Variants in FGF12 observed in about 807,000 individuals in gnomAD.
The protein encoded by FGF12 is fibroblast growth factor 12.
In FGF12, 14 loss-of-function variants were observed where a neutral mutation model predicts 23.6. The observed-to-expected ratio is 0.59, with a 90% CI of 0.39 to 0.93. The LOEUF (loss-of-function observed/expected upper bound fraction) is 0.93, where lower values mean the gene tolerates loss of function less well. Ranked by LOEUF, FGF12 falls within the 40% of genes least tolerant of loss-of-function variation. The pLI is 0.00. For synonymous variants in FGF12, 62 were observed against 77.3 expected (o/e 0.80, Z 1.04); for missense variants, 175 against 217.8 (o/e 0.80, Z 1.24).
At chr3:192,686,277 A>G (rs879699816) in intron 2 of FGF12, among the ~76,000 whole-genome samples, 4 of 152,190 alleles carry the variant, frequency 2.6e-5, no homozygotes, top group Admixed American at 2.0e-4. Flanking sequence ...CTTGCTCTGA[A>G]CAAAGAAGAG....
chr3:192,397,376 T>C (rs1272942877), intron 2 of FGF12, among the ~76,000 whole-genome samples: 1 of 152,242 alleles, frequency 6.6e-6, no homozygotes, highest in Non-Finnish European at 1.5e-5. Flanking sequence ...AGAAATATCC[T>C]ATAAGAAGAC....
At chr3:192,274,580 A>C (rs1027778902) in intron 4 of FGF12, among the ~76,000 whole-genome samples, 1 of 140,874 alleles carries the variant, frequency 7.1e-6, no homozygotes, top group African/African-American at 2.6e-5. Flanking sequence ...GAGAGAGGAG[A>C]GAGAAGAGGG....
chr3:192,376,519 C>G (rs968004129), intron 2 of FGF12, among the ~76,000 whole-genome samples: 1 of 151,850 alleles, frequency 6.6e-6, no homozygotes, highest in East Asian at 1.9e-4. Flanking sequence ...TGTGTCACCA[C>G]GCCCGGCTAA....
At chr3:192,215,123 T>G (rs1440188908) in intron 4 of FGF12, among the ~76,000 whole-genome samples, 3 of 152,222 alleles carry the variant, frequency 2.0e-5, no homozygotes, top group Non-Finnish European at 4.4e-5. Context: ...AGTGAATGGC[T>G]GTGTTCTCCC....
intron 2 of FGF12, among the ~76,000 whole-genome samples, chr3:192,656,830 G>C (rs1716445595): frequency 6.6e-6 from 1 of 152,148 alleles, no homozygotes; most frequent in Admixed American, 6.5e-5. Context: ...GGCTTCCAAT[G>C]TATTTTTTGT....
At chr3:192,508,026 C>T (rs892627159) in intron 2 of FGF12, among the ~76,000 whole-genome samples, 3 of 152,134 alleles carry the variant, frequency 2.0e-5, no homozygotes, top group Admixed American at 6.5e-5. Flanking sequence ...CTAGCAACAA[C>T]CCCTCTCCCC....
chr3:192,331,393 T>C (rs1395728911), intron 4 of FGF12, among the ~76,000 whole-genome samples: 1 of 151,458 alleles, frequency 6.6e-6, no homozygotes, highest in Non-Finnish European at 1.5e-5. Flanking sequence ...TACGCTCATG[T>C]TCATTGCAGC....
At chr3:192,503,754 C>T (rs1412019983) in intron 2 of FGF12, among the ~76,000 whole-genome samples, 4 of 151,578 alleles carry the variant, frequency 2.6e-5, no homozygotes, top group Admixed American at 1.3e-4. Context: ...TACAGGCGCC[C>T]GCCACCACGC....
At chr3:192,321,525 C>G (rs1352876984) in intron 4 of FGF12, among the ~76,000 whole-genome samples, 1 of 142,524 alleles carries the variant, frequency 7.0e-6, no homozygotes, top group Non-Finnish European at 1.5e-5. Flanking sequence ...CACAAAAAAA[C>G]TATAGGCTAG....
In FGF12 at chr3:192,175,267, T is replaced by A. The variant is rs149856889; in HGVS notation, c.229-4611A>T. Among the ~76,000 whole-genome samples, 479 of 152,208 alleles carry A rather than the reference T, an allele frequency of 3.1e-3. 1 individual carries two copies. Among genetic ancestry groups the A allele is most frequent in the African/African-American group, 0.011 (450 of 41,536 alleles). ...ATATAATAGAAAGCAGAGTAAATAA[T>A]CAGTATAATAAGGATGATTTTGTTT... On this transcript the variant is annotated intron_variant, in intron 4 of 5. Transcript: ENST00000445105.
At position 192,327,807 on chromosome 3, in the gene FGF12, C is replaced by T. The variant is rs897291031; in HGVS notation, c.228+7554G>A. Among the ~76,000 whole-genome samples, 4 of 151,890 alleles carry T rather than the reference C, an allele frequency of 2.6e-5. No individual in the cohort carries two copies. In the South Asian group the frequency reaches 8.3e-4, roughly 31 times the overall value. On this transcript the variant is annotated intron_variant, in intron 4 of 5. Transcript: ENST00000445105. ...CTCGATGTCCTAAGCTGAAGCAATC[C>T]TCTCACCTCAGCCTCCTATGTAGCT...
intron 2 of FGF12, among the ~76,000 whole-genome samples, chr3:192,601,250 G>A (rs1714103505): frequency 6.6e-6 from 1 of 152,110 alleles, no homozygotes; most frequent in African/African-American, 2.4e-5. Context: ...TGATCTCATA[G>A]AAGTTAAAAG....
rs1317495677 is a variant in FGF12, at chr3:192,345,678, C to T, written c.125-10214G>A. On this transcript the variant is annotated intron_variant, in intron 3 of 5. Coordinates refer to ENST00000445105, the MANE Select transcript of FGF12 (RefSeq NM_004113.6). ...CTCCAGCCTGGGCGACAGAGCGAGA[C>T]TCCGTCTCAAAAAAAAAAAAAAAAA... 5.2e-5 allele frequency among the ~76,000 whole-genome samples: 2 copies of T among 38,642 alleles called. 1 individual carries two copies. The highest frequency in any genetic ancestry group is 1.2e-3 in the African/African-American group (2 of 1,630). The allele number at this position is 38,642 out of a possible 152,430, so 25.4% of individuals were successfully genotyped here.
At chr3:192,673,506 C>CA (rs1225362472) in intron 2 of FGF12, among the ~76,000 whole-genome samples, 2 of 150,844 alleles carry the variant, frequency 1.3e-5, no homozygotes, top group African/African-American at 4.8e-5. Context: ...TTAAGCCCCC[C>CA]ATGCATTAGC....
intron 4 of FGF12, among the ~76,000 whole-genome samples, chr3:192,172,215 C>T (rs1163970935): frequency 7.2e-6 from 1 of 139,160 alleles, no homozygotes; most frequent in Non-Finnish European, 1.6e-5. Context: ...ATGGTGAAAC[C>T]CCGTCTCTAC....
intron 2 of FGF12, among the ~76,000 whole-genome samples, chr3:192,605,780 A>G (rs939405584): frequency 1.3e-5 from 2 of 152,226 alleles, no homozygotes; most frequent in Admixed American, 6.5e-5. Flanking sequence ...GTTCAACATC[A>G]CTAATTATCA....
intron 4 of FGF12, among the ~76,000 whole-genome samples, chr3:192,312,859 AGT>A (rs1716031235): frequency 6.6e-6 from 1 of 152,160 alleles, no homozygotes; most frequent in Admixed American, 6.5e-5. Context: ...ATTAACGTAT[AGT>A]GTTTGCCTTT....
chr3:192,168,471 A>C (rs753056352), intron 5 of FGF12, among the ~76,000 whole-genome samples: 1 of 152,172 alleles, frequency 6.6e-6, no homozygotes, highest in Non-Finnish European at 1.5e-5. Flanking sequence ...AGGTAAGTTT[A>C]AATATTAGCT....
intron 2 of FGF12, among the ~76,000 whole-genome samples, chr3:192,362,054 G>T (rs754456258): frequency 6.6e-6 from 1 of 152,152 alleles, no homozygotes; most frequent in Non-Finnish European, 1.5e-5. Context: ...CTGAATGGTT[G>T]TTTGTTCCTT....
Sources: gnomAD v4.1 joint callset for allele counts (sites outside exome capture counted in the v4.1 genomes callset) on GRCh38, gnomAD v4.1.1 for gene constraint, MANE v1.5 for transcripts, NCBI Gene and HGNC (gene_info 2026-07-23, HGNC 2026-07-21) for gene names.